Variants in FBXL7 observed in about 807,000 individuals in gnomAD.
The protein encoded by FBXL7 is F-box and leucine rich repeat protein 7, also known as F-box/LRR-repeat protein 7.
Under a neutral mutation model 38.3 loss-of-function variants are expected in FBXL7, and 12 were observed. That is an observed-to-expected ratio of 0.31 (90% CI 0.20 to 0.51). FBXL7 has a LOEUF of 0.51. FBXL7 is among the 20% of genes least tolerant of loss of function. FBXL7 has a pLI of 0.98. For missense variants in FBXL7, 567 were observed against 676.4 expected (o/e 0.84, Z 1.79); for synonymous variants, 297 against 300.9 (o/e 0.99, Z 0.13).
intron 2 of FBXL7, among the ~76,000 whole-genome samples, chr5:15,721,809 C>G (rs759209318): frequency 2.6e-5 from 4 of 151,682 alleles, no homozygotes; most frequent in Non-Finnish European, 4.4e-5. Flanking sequence ...ATTTCTCAGC[C>G]CAGATAAGAA....
intron 2 of FBXL7, among the ~76,000 whole-genome samples, chr5:15,902,351 A>C (rs949382537): frequency 1.3e-5 from 2 of 152,218 alleles, no homozygotes; most frequent in African/African-American, 4.8e-5. Flanking sequence ...CCGTGTCCAC[A>C]CAGTCATTAC....
At chr5:15,516,411 T>C (rs1736938033) in intron 1 of FBXL7, among the ~76,000 whole-genome samples, 2 of 152,232 alleles carry the variant, frequency 1.3e-5, no homozygotes, top group Admixed American at 1.3e-4. Flanking sequence ...TATCAGGTGC[T>C]CCTAACTGCA....
At chr5:15,777,336 A>T (rs2126716994) in intron 2 of FBXL7, among the ~76,000 whole-genome samples, 1 of 152,232 alleles carries the variant, frequency 6.6e-6, no homozygotes, top group East Asian at 1.9e-4. Flanking sequence ...CAAATAATGT[A>T]GCATTTGAAT....
chr5:15,869,320 C>T lies in FBXL7; in HGVS notation c.128-58570C>T, dbSNP rs184822394. 2.6e-3 allele frequency among the ~76,000 whole-genome samples: 397 copies of T among 152,180 alleles called. 1 individual carries two copies. Among genetic ancestry groups the T allele is most frequent in the Non-Finnish European group, 4.5e-3 (307 of 68,002 alleles). On this transcript the variant is annotated intron_variant, in intron 2 of 3. Transcript: ENST00000504595. Reference sequence around the variant, plus strand: ...ACCAGGAAGCAGGCATTTGGGGGAGCCTTGTCAGAAGCTGCCTACCACATC... The same window carrying T: ...ACCAGGAAGCAGGCATTTGGGGGAGTCTTGTCAGAAGCTGCCTACCACATC...
chr5:15,674,344 G>A (rs1009307538), intron 2 of FBXL7, among the ~76,000 whole-genome samples: 36 of 152,180 alleles, frequency 2.4e-4, no homozygotes, highest in Admixed American at 1.2e-3. Flanking sequence ...GATGTATGAT[G>A]AAGTTTCATG....
At chr5:15,914,890 T>G (rs532653703) in intron 2 of FBXL7, among the ~76,000 whole-genome samples, 1 of 152,288 alleles carries the variant, frequency 6.6e-6, no homozygotes, top group African/African-American at 2.4e-5. Context: ...GTATACTGGA[T>G]GGAGAGGCAC....
At chr5:15,880,859 T>C (rs2126330758) in intron 2 of FBXL7, among the ~76,000 whole-genome samples, 1 of 151,388 alleles carries the variant, frequency 6.6e-6, no homozygotes, top group Non-Finnish European at 1.5e-5. Flanking sequence ...TAGTATGCTC[T>C]GTAGTATGCT....
intron 2 of FBXL7, among the ~76,000 whole-genome samples, chr5:15,892,929 A>G (rs1175293547): frequency 8.5e-5 from 13 of 152,136 alleles, no homozygotes; most frequent in South Asian, 2.1e-4. Context: ...CATCCTGGCT[A>G]ACAGGGTGAA....
At chr5:15,698,558 G>A in intron 2 of FBXL7, among the ~76,000 whole-genome samples, 1 of 152,072 alleles carries the variant, frequency 6.6e-6, no homozygotes. Flanking sequence ...TTTATTCCTA[G>A]TTTTTATTTA....
intron 2 of FBXL7, among the ~76,000 whole-genome samples, chr5:15,892,127 C>T (rs1434880367): frequency 6.6e-6 from 1 of 152,208 alleles, no homozygotes; most frequent in Non-Finnish European, 1.5e-5. Context: ...GCGCAGAGCA[C>T]AGAGAAAGCC....
intron 2 of FBXL7, among the ~76,000 whole-genome samples, chr5:15,801,666 C>CGT (rs148260016): frequency 5.0e-5 from 7 of 141,298 alleles, no homozygotes; most frequent in Non-Finnish European, 7.9e-5. Context: ...TGCGCGCGCG[C>CGT]GTGTGTGTGT....
chr5:15,672,100 G>A (rs559416220), intron 2 of FBXL7, among the ~76,000 whole-genome samples: 1 of 152,252 alleles, frequency 6.6e-6, no homozygotes, highest in Non-Finnish European at 1.5e-5. Flanking sequence ...ACTCTGGGTT[G>A]TGTCAATGAA....
intron 1 of FBXL7, among the ~76,000 whole-genome samples, chr5:15,552,394 CCTGTTCTCATGT>C (rs1738104559): frequency 6.6e-6 from 1 of 152,164 alleles, no homozygotes. Flanking sequence ...GACAAACTCA[CCTGTTCTCATGT>C]CTTTCAGGAA....
At chr5:15,837,830 G>A (rs1258045383) in intron 2 of FBXL7, among the ~76,000 whole-genome samples, 1 of 152,080 alleles carries the variant, frequency 6.6e-6, no homozygotes, top group Non-Finnish European at 1.5e-5. Flanking sequence ...CTCTGGGCTC[G>A]TTGAAACTCT....
chr5:15,841,342 A>C lies in FBXL7; in HGVS notation c.128-86548A>C, dbSNP rs549450232. Among the ~76,000 whole-genome samples, 4 of 152,284 alleles carry C rather than the reference A, an allele frequency of 2.6e-5. No homozygotes were observed. The East Asian group carries it at 7.7e-4, about 29-fold the overall frequency. ...GCAGTTGGGAATAAATCTCAGTTTT[A>C]AAATGTCCCTCCATTTATAGTTTGC... On this transcript the variant is annotated intron_variant, in intron 2 of 3. Transcript: ENST00000504595.
At chr5:15,648,852 T>A (rs566539923) in intron 2 of FBXL7, among the ~76,000 whole-genome samples, 1 of 152,072 alleles carries the variant, frequency 6.6e-6, no homozygotes, top group South Asian at 2.1e-4. Flanking sequence ...TGTTTTATTG[T>A]CTCAGACTGT....
At chr5:15,501,111 T>A (rs1420581604) in intron 1 of FBXL7, among the ~76,000 whole-genome samples, 1 of 152,292 alleles carries the variant, frequency 6.6e-6, no homozygotes, top group Admixed American at 6.5e-5. Context: ...TCCAGCCCCC[T>A]GGACTCTACT....
chr5:15,711,996 T>C (rs770011178), intron 2 of FBXL7, among the ~76,000 whole-genome samples: 1 of 152,234 alleles, frequency 6.6e-6, no homozygotes, highest in Non-Finnish European at 1.5e-5. Context: ...AATGCCATTA[T>C]GAACAATCCA....
At chr5:15,755,416 A>T (rs990551899) in intron 2 of FBXL7, among the ~76,000 whole-genome samples, 1 of 151,972 alleles carries the variant, frequency 6.6e-6, no homozygotes, top group Non-Finnish European at 1.5e-5. Context: ...GTGTGTGTAT[A>T]TGTGTGTGAT....
Sources: gnomAD v4.1 joint callset for allele counts (sites outside exome capture counted in the v4.1 genomes callset) on GRCh38, gnomAD v4.1.1 for gene constraint, MANE v1.5 for transcripts, NCBI Gene and HGNC (gene_info 2026-07-23, HGNC 2026-07-21) for gene names.